The following ZNF253 variants were observed in gnomAD, a reference collection of about 807,000 sequenced individuals.
The protein encoded by ZNF253 is zinc finger protein 253, also known as DNA-binding protein.
Under a neutral mutation model 11.9 loss-of-function variants are expected in ZNF253, and 8 were observed. The observed-to-expected ratio is 0.67, with a 90% CI of 0.40 to 1.22. The LOEUF is 1.22. Among genes scored for constraint, ZNF253 ranks in the 50% most tolerant of loss-of-function variants. ZNF253 has a pLI of 0.01. For synonymous variants in ZNF253, 194 were observed against 194.9 expected, an observed-to-expected ratio of 1.00 and a Z score of 0.04; for missense variants, 485 against 586.9, an observed-to-expected ratio of 0.83 and a Z score of 1.79.
At chr19:19,881,593 G>A (rs2063177926) in intron 3 of ZNF253, among the ~76,000 whole-genome samples, 2 of 148,854 alleles carry the variant, frequency 1.3e-5, no homozygotes. Flanking sequence ...AGGTTTCAGT[G>A]AGCCGAGATC....
At chr19:19,886,790 C>A (rs2122133354) in intron 3 of ZNF253, among the ~76,000 whole-genome samples, 1 of 152,284 alleles carries the variant, frequency 6.6e-6, no homozygotes, top group African/African-American at 2.4e-5. Context: ...ATAAATTATG[C>A]TACTCTCAAG....
At chr19:19,888,684 A>T (rs2063216457) in intron 3 of ZNF253, among the ~76,000 whole-genome samples, 1 of 151,872 alleles carries the variant, frequency 6.6e-6, no homozygotes, top group Non-Finnish European at 1.5e-5. Flanking sequence ...GTTTATAATA[A>T]TTCCTCTACT....
intron 3 of ZNF253, among the ~76,000 whole-genome samples, chr19:19,885,269 T>TGC (rs1568498726): frequency 3.5e-5 from 2 of 57,898 alleles, no homozygotes; most frequent in African/African-American, 2.7e-4. Context: ...CTTTCTTTCT[T>TGC]TCTTTCTTTC....
chr19:19,879,334 A>G (rs960537484), intron 2 of ZNF253, among the ~76,000 whole-genome samples: 2 of 152,336 alleles, frequency 1.3e-5, no homozygotes, highest in Admixed American at 1.3e-4. Flanking sequence ...ACTTTTAACT[A>G]TAATTTTTCT....
chr19:19,868,622 TAC>T (rs968317356), intron 1 of ZNF253, among the ~76,000 whole-genome samples: 2 of 152,010 alleles, frequency 1.3e-5, no homozygotes, highest in Non-Finnish European at 2.9e-5. Context: ...TTCAAGTGCA[TAC>T]AGTGTGTAAA....
At chr19:19,866,341 G>T (rs186772172) in intron 1 of ZNF253, among the ~76,000 whole-genome samples, 1,602 of 152,204 alleles carry the variant, frequency 0.011, 15 homozygotes, top group Non-Finnish European at 0.013. Context: ...GCTTTGGTCC[G>T]TGAGGTTGTT....
chr19:19,884,224 A>G (rs569748280), intron 3 of ZNF253, among the ~76,000 whole-genome samples: 2 of 152,216 alleles, frequency 1.3e-5, no homozygotes, highest in South Asian at 2.1e-4. Context: ...TATATGTTAC[A>G]TTTTTTGATA....
chr19:19,871,373 G>A (rs1169249936), intron 1 of ZNF253: 1 of 152,246 alleles, frequency 6.6e-6, no homozygotes, highest in Admixed American at 6.5e-5. Flanking sequence ...CTCAGTGGCA[G>A]ATGGTAGAGG....
At chr19:19,887,455 C>T (rs2063210770) in intron 3 of ZNF253, among the ~76,000 whole-genome samples, 1 of 152,020 alleles carries the variant, frequency 6.6e-6, no homozygotes, top group Non-Finnish European at 1.5e-5. Context: ...TGCTACCACA[C>T]CTGGCTAATT....
intron 1 of ZNF253, among the ~76,000 whole-genome samples, chr19:19,866,339 C>T (rs2063110837): frequency 6.6e-6 from 1 of 152,172 alleles, no homozygotes; most frequent in Non-Finnish European, 1.5e-5. Context: ...GAGCTTTGGT[C>T]CGTGAGGTTG....
chr19:19,890,137 A>C (rs2063222463), intron 3 of ZNF253, among the ~76,000 whole-genome samples: 1 of 152,178 alleles, frequency 6.6e-6, no homozygotes, highest in Non-Finnish European at 1.5e-5. Flanking sequence ...GTAGTCTGAA[A>C]TCAATTGTTT....
Position 19,866,009 on chromosome 19 carries a change from G to C in ZNF253, c.3+10G>C, listed in dbSNP as rs2063109188. On this transcript the variant is annotated intron_variant, in intron 1 of 3. Transcript: ENST00000589717. ...TGGAAGCCTAGAAATGGTGAGTGCC[G>C]GGTCCAACGTCCCGAGAGAGGGGAG... 6.2e-7 allele frequency: 1 copy of C among 1,614,158 alleles called. No homozygotes were observed. Among genetic ancestry groups the C allele is most frequent in the South Asian group, 1.1e-5 (1 of 91,076 alleles).
intron 1 of ZNF253, among the ~76,000 whole-genome samples, chr19:19,868,040 TGA>T (rs2063118672): frequency 6.6e-6 from 1 of 151,944 alleles, no homozygotes; most frequent in Non-Finnish European, 1.5e-5. Flanking sequence ...TATTTTTTAA[TGA>T]GATTTTTTTT....
At chr19:19,876,951 G>T (rs966869032) in intron 1 of ZNF253, among the ~76,000 whole-genome samples, 9 of 151,996 alleles carry the variant, frequency 5.9e-5, no homozygotes, top group Admixed American at 5.2e-4. Flanking sequence ...TGCCATGCAG[G>T]ATTCTCAGCA....
Position 19,892,804 on chromosome 19 carries a change from C to T in ZNF253, c.*57C>T. ...TGAATGTGGGAAAGCCTTTAACCAG[C>T]CCTCGACTCTTAGTAAATTTGAGAG... On this transcript the variant is annotated 3_prime_UTR_variant, in exon 4 of 4. Coordinates refer to ENST00000589717, the MANE Select transcript of ZNF253 (RefSeq NM_021047.3). 2 of 1,456,126 alleles carry T rather than the reference C, an allele frequency of 1.4e-6. No individual in the cohort carries two copies. The highest frequency in any genetic ancestry group is 2.2e-5 in the Admixed American group (1 of 44,916). 90.2% of individuals were successfully genotyped at this position (1,456,126 alleles called of 1,614,324 possible).
intron 3 of ZNF253, among the ~76,000 whole-genome samples, chr19:19,885,249 TTC>T (rs1273525996): frequency 3.0e-5 from 2 of 65,888 alleles, no homozygotes; most frequent in Admixed American, 1.6e-4. Context: ...CTTTCTTTCT[TTC>T]TTTCTTTCTT....
chr19:19,883,180 T>G (rs2063184997), intron 3 of ZNF253, among the ~76,000 whole-genome samples: 1 of 152,182 alleles, frequency 6.6e-6, no homozygotes, highest in Non-Finnish European at 1.5e-5. Context: ...TATATTTCCT[T>G]TTGTGAGAAA....
At chr19:19,888,776 A>G (rs979602399) in intron 3 of ZNF253, among the ~76,000 whole-genome samples, 5 of 152,120 alleles carry the variant, frequency 3.3e-5, no homozygotes, top group African/African-American at 1.2e-4. Context: ...ATTTTTGTGT[A>G]TGTGCATATC....
intron 3 of ZNF253, among the ~76,000 whole-genome samples, chr19:19,886,201 C>T (rs935095232): frequency 1.3e-5 from 2 of 152,252 alleles, no homozygotes; most frequent in East Asian, 3.9e-4. Flanking sequence ...ATGTGTTGCC[C>T]AGGCTGGTTT....
Sources: allele counts gnomAD v4.1 joint callset (sites outside exome capture counted in the v4.1 genomes callset), GRCh38; gene constraint gnomAD v4.1.1; transcripts MANE v1.5; gene names NCBI Gene and HGNC (gene_info 2026-07-23, HGNC 2026-07-21).